BAHD1: variants seen among roughly 807,000 people sequenced by gnomAD.
BAHD1 encodes the protein bromo adjacent homology domain-containing 1 protein.
Under a neutral mutation model 63.1 loss-of-function variants are expected in BAHD1, and 20 were observed. The ratio of observed to expected loss-of-function variants is 0.32; its 90% confidence interval spans 0.22 to 0.46. The LOEUF is 0.46. Among genes scored for constraint, BAHD1 ranks in the 20% least tolerant of loss-of-function variants. The pLI, the probability that BAHD1 is intolerant of heterozygous loss-of-function variation, is 1.00. For synonymous variants in BAHD1, 408 were observed against 426.8 expected (o/e 0.96, Z 0.54); for missense variants, 939 against 1,071.8 (o/e 0.88, Z 1.73).
Position 40,459,585 on chromosome 15 carries a change from C to T in BAHD1, c.1121C>T (p.Thr374Ile), listed in dbSNP as rs770348013. 3 of 1,614,210 alleles carry T rather than the reference C, an allele frequency of 1.9e-6. No homozygotes were observed. In the South Asian group the frequency reaches 3.3e-5, roughly 18 times the overall value. ...YNGLCVGPELTALGSFYLYCG... is the reference protein window; with the variant it reads ...YNGLCVGPELIALGSFYLYCG... Reference sequence around the variant, plus strand: ...GGCCTGTGTGTTGGGCCTGAGCTCACTGCACTAGGCAGCTTCTACCTGTAC... The same window carrying T: ...GGCCTGTGTGTTGGGCCTGAGCTCATTGCACTAGGCAGCTTCTACCTGTAC... Residue 374 changes from threonine to isoleucine, a missense_variant, in exon 2 of 7, where the codon ACT becomes ATT. Around this residue, in one of 5 missense-constraint regions of BAHD1, gnomAD observed 797 missense variants for 813.3 expected, o/e 0.98. Transcript: ENST00000416165.
chr15:40,453,719 G>A (rs1893770118), intron 1 of BAHD1: 1 of 152,282 alleles, frequency 6.6e-6, no homozygotes, highest in African/African-American at 2.4e-5. Context: ...GGAGGCCAAG[G>A]TGGAAGGATT....
At chr15:40,465,580 C>T in intron 6 of BAHD1, 145 bp downstream of exon 6, 1 of 693,550 alleles carries the variant, frequency 1.4e-6, no homozygotes, top group Non-Finnish European at 2.5e-6. Context: ...GAACTTACTT[C>T]CCTATTGCTT....
chr15:40,464,155 C>G, intron 4 of BAHD1, 135 bp downstream of exon 4: 1 of 1,079,370 alleles, frequency 9.3e-7, no homozygotes, highest in Non-Finnish European at 1.3e-6. Context: ...GCCTTCCACT[C>G]GGCTGGGGTC....
chr15:40,449,858 G>C (rs1893654430), intron 1 of BAHD1, among the ~76,000 whole-genome samples: 1 of 151,264 alleles, frequency 6.6e-6, no homozygotes, highest in Non-Finnish European at 1.5e-5. Context: ...TGGTAATGAA[G>C]GAGGGTTGTG....
At position 40,445,264 on chromosome 15, in the gene BAHD1, A is replaced by AAC. The variant is rs1241469709; in HGVS notation, c.-15+3997_-15+3998insCA. Among the ~76,000 whole-genome samples, 19 of 151,506 alleles carry AAC rather than the reference A, an allele frequency of 1.3e-4. No individual in the cohort carries two copies. In the East Asian group the frequency reaches 3.5e-3, roughly 28 times the overall value. On this transcript the variant is annotated intron_variant, in intron 1 of 6. Coordinates refer to ENST00000416165, the MANE Select transcript of BAHD1 (RefSeq NM_014952.5). ...AGAGAGCTCCTTTTGGGTAAAAAAA[A>AAC]AAAAAAAAAAAACAACCCTTTCACA... is the stretch of plus-strand genomic sequence containing the variant.
At chr15:40,461,798 A>T (rs1894050171) in intron 2 of BAHD1, 114 bp from the exon 3 acceptor site, 1 of 1,361,962 alleles carries the variant, frequency 7.3e-7, no homozygotes, top group Non-Finnish European at 9.9e-7. Flanking sequence ...CCCATCGGCC[A>T]CCTCAGTGGC....
intron 1 of BAHD1, among the ~76,000 whole-genome samples, chr15:40,442,602 A>G (rs1021866779): frequency 1.3e-5 from 2 of 152,066 alleles, no homozygotes; most frequent in South Asian, 4.1e-4. Context: ...CATTGTCGAC[A>G]GTGTTAGAAG....
intron 1 of BAHD1, among the ~76,000 whole-genome samples, chr15:40,450,763 C>T (rs533664841): frequency 2.6e-5 from 4 of 152,168 alleles, no homozygotes; most frequent in Non-Finnish European, 4.4e-5. Flanking sequence ...GGGGTGCCCC[C>T]CAACCCCTGC....
chr15:40,466,103 C>T lies in BAHD1; in HGVS notation c.2316C>T (p.His772=), dbSNP rs768737498. 14 of 1,613,702 alleles carry T rather than the reference C, an allele frequency of 8.7e-6. No individual in the cohort carries two copies. Among genetic ancestry groups the T allele is most frequent in the African/African-American group, 2.7e-5 (2 of 74,934 alleles). ...GCCGCCATGTCTATGACTTCCGCCACGGGCGCATCCTTAAGAACCCCCAGT... is the reference window on the plus strand; with the variant it reads ...GCCGCCATGTCTATGACTTCCGCCATGGGCGCATCCTTAAGAACCCCCAGT... ...FLCRHVYDFR[H]GRILKNPQ The change falls in exon 7 of 7, where the codon CAC becomes CAT. Residue 772 remains histidine, a synonymous_variant. Transcript: ENST00000416165.
upstream of BAHD1, among the ~76,000 whole-genome samples, chr15:40,440,665 CAAAGAA>C: frequency 2.0e-5 from 3 of 152,238 alleles, no homozygotes; most frequent in Middle Eastern, 6.8e-3. Flanking sequence ...AAGAAGCCGG[CAAAGAA>C]AATCACCCCT....
chr15:40,451,145 C>CAAA lies in BAHD1; in HGVS notation c.-14-7281_-14-7279dup, dbSNP rs397827665. 2.9e-3 allele frequency among the ~76,000 whole-genome samples: 90 copies of CAAA among 30,580 alleles called. 8 individuals are homozygous for CAAA. The highest frequency in any genetic ancestry group is 5.9e-3 in the African/African-American group (76 of 12,906). The allele number at this position is 30,580 out of a possible 152,430, so 20.1% of individuals were successfully genotyped here. A position where few individuals can be genotyped will look rare whatever the true frequency, so the allele number is the denominator to read the frequency against. On this transcript the variant is annotated intron_variant, in intron 1 of 6. Transcript: ENST00000416165. ...GGCAACAAGAGCATAAACTCCATCT[C>CAAA]AAAAAAAAAAAAAAAAAAAAAAAAA... is the stretch of plus-strand genomic sequence containing the variant.
intron 1 of BAHD1, among the ~76,000 whole-genome samples, chr15:40,446,002 A>C (rs966121220): frequency 3.9e-5 from 6 of 152,228 alleles, no homozygotes; most frequent in African/African-American, 1.4e-4. Flanking sequence ...TCAAGAGCTC[A>C]TGATAATTAG....
intron 1 of BAHD1, among the ~76,000 whole-genome samples, chr15:40,452,819 A>G (rs530356880): frequency 5.3e-5 from 8 of 150,422 alleles, no homozygotes; most frequent in African/African-American, 1.2e-4. Context: ...TTCTGCTTCT[A>G]TGGAGATGAC....
At position 40,466,155 on chromosome 15, in the gene BAHD1, A is replaced by G. The variant is rs771795688; in HGVS notation, c.*25A>G. On this transcript the variant is annotated 3_prime_UTR_variant, in exon 7 of 7. Coordinates refer to ENST00000416165, the MANE Select transcript of BAHD1 (RefSeq NM_014952.5). ...GCCTCCTCATGCCCATGCTGGGGCT[A>G]CCCATGGGCAAGTGGGGCTCGGGGT... 6.3e-7 allele frequency: 1 copy of G among 1,598,202 alleles called. No homozygotes were observed. Among genetic ancestry groups the G allele is most frequent in the African/African-American group, 1.3e-5 (1 of 74,322 alleles).
At chr15:40,447,873 A>G (rs1295727065) in intron 1 of BAHD1, among the ~76,000 whole-genome samples, 1 of 152,186 alleles carries the variant, frequency 6.6e-6, no homozygotes, top group African/African-American at 2.4e-5. Context: ...AAATCAGGAC[A>G]ACGTATCTTT....
At chr15:40,442,032 C>CG (rs1244277801) in intron 1 of BAHD1, among the ~76,000 whole-genome samples, 1 of 151,480 alleles carries the variant, frequency 6.6e-6, no homozygotes, top group African/African-American at 2.4e-5. Flanking sequence ...CGAGGTGTGG[C>CG]GGGGGGAATC....
chr15:40,458,512 C>T lies in BAHD1; in HGVS notation c.48C>T (p.Leu16=). Reference sequence around the variant, plus strand: ...CCCTTCCCATGCTGAGTTCGGGCCTCACTGGCCGCCGAGAGCCCCTGCAGA... The same window carrying T: ...CCCTTCCCATGCTGAGTTCGGGCCTTACTGGCCGCCGAGAGCCCCTGCAGA... ...RKSLPMLSSG[L]TGRREPLQME... is the part of the protein sequence containing the mutation. Residue 16 remains leucine, a synonymous_variant, in exon 2 of 7, where the codon CTC becomes CTT. Transcript: ENST00000416165. This position sits in a 1 kb window ranked among gnomAD's most constrained non-coding sequence, Gnocchi z 4.7. 6.2e-7 allele frequency: 1 copy of T among 1,611,230 alleles called. No homozygotes were observed. The highest frequency in any genetic ancestry group is 1.7e-5 in the Admixed American group (1 of 59,732).
chr15:40,452,973 C>T (rs1237054549), intron 1 of BAHD1, among the ~76,000 whole-genome samples: 3 of 152,168 alleles, frequency 2.0e-5, no homozygotes, highest in African/African-American at 7.2e-5. Context: ...AGTGGCAGAG[C>T]AAAGTTCAGG....
chr15:40,454,667 C>T (rs935306835), intron 1 of BAHD1: 1 of 152,182 alleles, frequency 6.6e-6, no homozygotes, highest in African/African-American at 2.4e-5. Flanking sequence ...CTGGGAATCC[C>T]TCCTAGAGAC....
Sources: allele counts gnomAD v4.1 joint callset (sites outside exome capture counted in the v4.1 genomes callset), GRCh38; gene constraint gnomAD v4.1.1; regional missense constraint gnomAD v4.1.1; non-coding constraint Gnocchi (gnomAD v3.1); transcripts MANE v1.5; gene names NCBI Gene and HGNC (gene_info 2026-07-23, HGNC 2026-07-21).